FMN1: variants seen among roughly 807,000 people sequenced by gnomAD.
The protein encoded by FMN1 is formin-1.
FMN1 carries 110 observed loss-of-function variants against 132.4 expected under a neutral mutation model. The ratio of observed to expected loss-of-function variants is 0.83; its 90% confidence interval spans 0.71 to 0.97. The LOEUF is 0.97. Ranked by LOEUF, FMN1 falls within the 50% of genes least tolerant of loss-of-function variation. The pLI, the probability that FMN1 is intolerant of heterozygous loss-of-function variation, is 0.00. For synonymous variants in FMN1, 722 were observed against 651.7 expected, an observed-to-expected ratio of 1.11 and a Z score of -1.64; for missense variants, 1,792 against 1,705.3, an observed-to-expected ratio of 1.05 and a Z score of -0.90.
At chr15:33,094,478 GC>G (rs1251639058) in intron 4 of FMN1, among the ~76,000 whole-genome samples, 2 of 152,180 alleles carry the variant, frequency 1.3e-5, no homozygotes, top group Non-Finnish European at 2.9e-5. Flanking sequence ...CAGTTGCACT[GC>G]AGTGCAGCAG....
intron 12 of FMN1, 38 bp from the exon 13 acceptor site, chr15:32,902,078 A>G: frequency 2.6e-6 from 4 of 1,564,622 alleles, no homozygotes; most frequent in Non-Finnish European, 3.5e-6. Flanking sequence ...CTTCACATAT[A>G]ATCACAAGGA....
At chr15:32,843,481 C>T (rs1043338737) in intron 17 of FMN1, among the ~76,000 whole-genome samples, 6 of 152,290 alleles carry the variant, frequency 3.9e-5, no homozygotes, top group African/African-American at 7.2e-5. Context: ...ATCCTAGAAT[C>T]GTGAAGCCAA....
At chr15:32,888,972 G>T (rs912218724) in intron 15 of FMN1, among the ~76,000 whole-genome samples, 5 of 150,948 alleles carry the variant, frequency 3.3e-5, no homozygotes, top group Admixed American at 2.6e-4. Context: ...GATCCTTCTA[G>T]TTCAGCCTAT....
chr15:33,025,504 G>A (rs540010005), intron 6 of FMN1, among the ~76,000 whole-genome samples: 1 of 152,114 alleles, frequency 6.6e-6, no homozygotes, highest in Admixed American at 6.5e-5. Context: ...TTTCTATAAT[G>A]CAATTAAATT....
chr15:32,822,291 G>A (rs945347273), intron 17 of FMN1, among the ~76,000 whole-genome samples: 11 of 152,196 alleles, frequency 7.2e-5, no homozygotes, highest in Non-Finnish European at 2.9e-5. Flanking sequence ...GGAGGTTGCA[G>A]TGAGCCGAGA....
At chr15:32,909,388 T>C (rs960024194) in intron 11 of FMN1, among the ~76,000 whole-genome samples, 3 of 152,234 alleles carry the variant, frequency 2.0e-5, no homozygotes, top group Non-Finnish European at 4.4e-5. Flanking sequence ...GGTATTTGTG[T>C]ACTTTCTGGT....
chr15:32,781,028 T>C (rs1415697600), intron 19 of FMN1, among the ~76,000 whole-genome samples: 2 of 152,222 alleles, frequency 1.3e-5, no homozygotes, highest in Non-Finnish European at 2.9e-5. Flanking sequence ...GGCAATAATA[T>C]GCCAAGTAGA....
intron 9 of FMN1, among the ~76,000 whole-genome samples, chr15:32,928,131 A>G (rs1049841060): frequency 6.6e-6 from 1 of 152,180 alleles, no homozygotes; most frequent in African/African-American, 2.4e-5. Flanking sequence ...CTACTTTCAT[A>G]TAACGATTAG....
chr15:32,986,116 C>T (rs367619086), intron 7 of FMN1, among the ~76,000 whole-genome samples: 134 of 152,194 alleles, frequency 8.8e-4, no homozygotes, highest in African/African-American at 3.1e-3. Flanking sequence ...TGGCAAGGCT[C>T]TTTTTGAGTT....
intron 16 of FMN1, among the ~76,000 whole-genome samples, chr15:32,862,252 G>GCTAGA (rs1306542670): frequency 3.3e-5 from 5 of 152,096 alleles, no homozygotes; most frequent in Non-Finnish European, 5.9e-5. Context: ...ATACGATATT[G>GCTAGA]CTAGACCACC....
chr15:33,103,584 T>G (rs2140088372), intron 4 of FMN1, among the ~76,000 whole-genome samples: 1 of 152,272 alleles, frequency 6.6e-6, no homozygotes, highest in Admixed American at 6.5e-5. Flanking sequence ...ATGTGTTCTC[T>G]AATTTTATCC....
chr15:33,004,824 G>GT (rs2034322029), intron 7 of FMN1, among the ~76,000 whole-genome samples: 1 of 152,146 alleles, frequency 6.6e-6, no homozygotes, highest in African/African-American at 2.4e-5. Flanking sequence ...TTAAGAAAAT[G>GT]TGGCACATAT....
At chr15:33,042,763 A>G (rs2036498660) in intron 6 of FMN1, among the ~76,000 whole-genome samples, 1 of 116,578 alleles carries the variant, frequency 8.6e-6, no homozygotes. Flanking sequence ...TTAAATACAG[A>G]AAAGAACCCC....
At chr15:32,964,302 A>G (rs751842227) in intron 8 of FMN1, 45 bp from the exon 9 acceptor site, 5 of 1,374,516 alleles carry the variant, frequency 3.6e-6, no homozygotes, top group Non-Finnish European at 5.0e-6. Flanking sequence ...CCAAAACAGG[A>G]AGGAATGTAA....
chr15:32,921,147 C>T (rs1443664846), intron 10 of FMN1, among the ~76,000 whole-genome samples: 1 of 152,058 alleles, frequency 6.6e-6, no homozygotes, highest in Non-Finnish European at 1.5e-5. Context: ...ATTAGGATGA[C>T]CTGTATTAGG....
chr15:33,036,254 G>A (rs1178311402), intron 6 of FMN1, among the ~76,000 whole-genome samples: 1 of 152,144 alleles, frequency 6.6e-6, no homozygotes, highest in African/African-American at 2.4e-5. Context: ...CAAATGCCTA[G>A]AAGAGAGCCT....
intron 4 of FMN1, among the ~76,000 whole-genome samples, chr15:33,126,122 C>T (rs1375411889): frequency 6.6e-6 from 1 of 152,060 alleles, no homozygotes; most frequent in African/African-American, 2.4e-5. Context: ...GCAGCTGTGG[C>T]TGCCACAGCT....
At chr15:33,019,058 T>A (rs953485975) in intron 6 of FMN1, among the ~76,000 whole-genome samples, 5 of 152,246 alleles carry the variant, frequency 3.3e-5, no homozygotes, top group Admixed American at 2.6e-4. Context: ...TTACCACTGC[T>A]GGCTCCGGCA....
chr15:33,057,857 A>T (rs1268838990), intron 6 of FMN1, among the ~76,000 whole-genome samples: 1 of 152,204 alleles, frequency 6.6e-6, no homozygotes, highest in Non-Finnish European at 1.5e-5. Flanking sequence ...TGTTATTTAC[A>T]ATTTCCCATC....
Sources: allele counts gnomAD v4.1 joint callset (sites outside exome capture counted in the v4.1 genomes callset), GRCh38; gene constraint gnomAD v4.1.1; transcripts MANE v1.5; gene names NCBI Gene and HGNC (gene_info 2026-07-23, HGNC 2026-07-21).